Variants in FBXO25 observed in about 807,000 individuals in gnomAD.
FBXO25 encodes F-box protein 25.
FBXO25 carries 45 observed loss-of-function variants against 51.9 expected under a neutral mutation model. The observed-to-expected ratio is 0.87, with a 90% CI of 0.68 to 1.11. The LOEUF is 1.11. Among genes scored for constraint, FBXO25 ranks in the 50% most tolerant of loss-of-function variants. FBXO25 has a pLI of 0.00. For missense variants in FBXO25, 507 were observed against 428.5 expected (o/e 1.18, Z -1.62); for synonymous variants, 199 against 151.0 (o/e 1.32, Z -2.33).
chr8:453,836 C>G (rs1162827557), intron 7 of FBXO25, among the ~76,000 whole-genome samples: 1 of 152,284 alleles, frequency 6.6e-6, no homozygotes, highest in East Asian at 1.9e-4. Context: ...TACCTTGACA[C>G]CCCTGGCCGG....
rs188665174 is a variant in FBXO25 at position 439,429 on chromosome 8, T to C, written c.381+3722T>C. 1.1e-4 allele frequency among the ~76,000 whole-genome samples: 17 copies of C among 152,334 alleles called. No homozygotes were observed. In the East Asian group the frequency reaches 2.5e-3, roughly 22 times the overall value. Reference sequence around the variant, plus strand: ...GTACACACATCTGTAGGAAAAAAGTTTTCAGAATCGTAAAGTTTATATATC... The same window carrying C: ...GTACACACATCTGTAGGAAAAAAGTCTTCAGAATCGTAAAGTTTATATATC... On this transcript the variant is annotated intron_variant, in intron 5 of 9. Coordinates refer to ENST00000350302, the MANE Select transcript of FBXO25 (RefSeq NM_183420.2).
At chr8:453,464 C>G (rs189594766) in intron 7 of FBXO25, among the ~76,000 whole-genome samples, 1 of 152,068 alleles carries the variant, frequency 6.6e-6, no homozygotes, top group Non-Finnish European at 1.5e-5. Flanking sequence ...GGAGTTTTAC[C>G]TTTCTGGGAA....
intron 5 of FBXO25, among the ~76,000 whole-genome samples, chr8:437,602 G>A (rs577108483): frequency 1.3e-5 from 2 of 152,336 alleles, no homozygotes; most frequent in South Asian, 4.1e-4. Context: ...AAAACAAGAA[G>A]CAGCCTTTGT....
intron 8 of FBXO25, among the ~76,000 whole-genome samples, chr8:461,074 C>T (rs138147583): frequency 4.6e-5 from 7 of 152,296 alleles, no homozygotes; most frequent in African/African-American, 1.4e-4. Context: ...TTAGCCCGTG[C>T]ATTTTGTTTT....
rs1457285040 is a variant in FBXO25, at chr8:469,612, A to C, written c.*808A>C. 6.6e-6 allele frequency: 1 copy of C among 152,248 alleles called. No individual in the cohort carries two copies. Among genetic ancestry groups the C allele is most frequent in the Non-Finnish European group, 1.5e-5 (1 of 68,040 alleles). 9.4% of individuals were successfully genotyped at this position (152,248 alleles called of 1,614,324 possible). Reference sequence around the variant, plus strand: ...GTTTTGCATCCTACTGAGAAATGTTAGTGATTTTGATACTTAAATCCTTAA... The same window carrying C: ...GTTTTGCATCCTACTGAGAAATGTTCGTGATTTTGATACTTAAATCCTTAA... On this transcript the variant is annotated 3_prime_UTR_variant, in exon 10 of 10. Transcript: ENST00000350302.
chr8:458,798 G>C (rs1474570251), intron 8 of FBXO25, among the ~76,000 whole-genome samples: 1 of 152,174 alleles, frequency 6.6e-6, no homozygotes, highest in African/African-American at 2.4e-5. Context: ...AGCAAGAACT[G>C]AGTTCTTTTC....
Position 477,784 on chromosome 8 carries a change from T to C in FBXO25, c.*8980T>C, listed in dbSNP as rs1482942803. 1 of 152,278 alleles carries C rather than the reference T, an allele frequency of 6.6e-6. No individual in the cohort carries two copies. Among genetic ancestry groups the C allele is most frequent in the Admixed American group, 6.5e-5 (1 of 15,290 alleles). 9.4% of individuals were successfully genotyped at this position (152,278 alleles called of 1,614,324 possible). A position where few individuals can be genotyped will look rare whatever the true frequency, so the allele number is the denominator to read the frequency against. Reference sequence around the variant, plus strand: ...ATAAAATCTGAATTTCACATACTTTTCTTATGTCATTAGATATTACCCTTT... The same window carrying C: ...ATAAAATCTGAATTTCACATACTTTCCTTATGTCATTAGATATTACCCTTT... On this transcript the variant is annotated 3_prime_UTR_variant, in exon 10 of 10. Transcript: ENST00000350302.
chr8:425,366 G>A (rs144689226), intron 2 of FBXO25, among the ~76,000 whole-genome samples: 157 of 149,244 alleles, frequency 1.1e-3, no homozygotes, highest in African/African-American at 3.6e-3. Context: ...CTTTTACAAT[G>A]TTTAAATTTT....
At chr8:438,896 C>T (rs1798253839) in intron 5 of FBXO25, among the ~76,000 whole-genome samples, 1 of 152,198 alleles carries the variant, frequency 6.6e-6, no homozygotes, top group Non-Finnish European at 1.5e-5. Context: ...CCAGTGGCCA[C>T]GTGTTTAAGT....
chr8:430,100 C>G (rs1797733008), intron 2 of FBXO25, among the ~76,000 whole-genome samples: 2 of 152,344 alleles, frequency 1.3e-5, no homozygotes, highest in South Asian at 4.1e-4. Flanking sequence ...AGTCCTGTCT[C>G]CTTCCATATT....
intron 2 of FBXO25, among the ~76,000 whole-genome samples, chr8:427,464 T>C (rs532824994): frequency 7.9e-5 from 12 of 151,456 alleles, no homozygotes; most frequent in African/African-American, 2.9e-4. Context: ...TTTGGTAGCA[T>C]ATATGTACCT....
intron 9 of FBXO25, among the ~76,000 whole-genome samples, chr8:463,513 C>T (rs1799951326): frequency 1.3e-5 from 2 of 152,208 alleles, no homozygotes; most frequent in African/African-American, 4.8e-5. Flanking sequence ...GACAAGTGCA[C>T]CTTCCTCGTT....
chr8:457,854 G>C (rs1269592239), intron 7 of FBXO25, among the ~76,000 whole-genome samples: 2 of 152,226 alleles, frequency 1.3e-5, no homozygotes, highest in Non-Finnish European at 2.9e-5. Context: ...GCTAGAAGGA[G>C]CTTTGCAGAC....
At chr8:435,262 C>G (rs998971293) in intron 4 of FBXO25, among the ~76,000 whole-genome samples, 3 of 152,036 alleles carry the variant, frequency 2.0e-5, no homozygotes, top group Admixed American at 2.0e-4. Flanking sequence ...TTTTTAGTTG[C>G]GTAGCCTAGA....
intron 2 of FBXO25, among the ~76,000 whole-genome samples, chr8:426,761 G>T (rs1797509925): frequency 6.6e-6 from 1 of 151,846 alleles, no homozygotes. Flanking sequence ...GCACAGTGCA[G>T]TTGCTTCTCC....
chr8:417,962 G>A (rs909121175), intron 2 of FBXO25, among the ~76,000 whole-genome samples: 1 of 152,070 alleles, frequency 6.6e-6, no homozygotes, highest in South Asian at 2.1e-4. Flanking sequence ...TTCTAGTATT[G>A]CCACATTACC....
rs181149154 is a variant in FBXO25, at chr8:417,980, A to G, written c.134+4767A>G. 2.5e-3 allele frequency among the ~76,000 whole-genome samples: 381 copies of G among 152,314 alleles called. 2 individuals are homozygous for G. Among genetic ancestry groups the G allele is most frequent in the Non-Finnish European group, 4.3e-3 (292 of 68,034 alleles). On this transcript the variant is annotated intron_variant, in intron 2 of 9. Coordinates refer to ENST00000350302, the MANE Select transcript of FBXO25 (RefSeq NM_183420.2). ...TAGTATTGCCACATTACCTTCTGTA[A>G]TTTTGTACCAGTTTATACTCTGCAT...
intron 2 of FBXO25, among the ~76,000 whole-genome samples, chr8:422,943 T>C (rs920088395): frequency 1.3e-5 from 2 of 152,150 alleles, no homozygotes; most frequent in Non-Finnish European, 2.9e-5. Flanking sequence ...TATTCTGCTG[T>C]ATATGAATTA....
At chr8:411,885 A>C (rs1796501639) in intron 1 of FBXO25, among the ~76,000 whole-genome samples, 1 of 152,184 alleles carries the variant, frequency 6.6e-6, no homozygotes, top group African/African-American at 2.4e-5. Flanking sequence ...GTGTATGAGA[A>C]TCACCTGTGG....
Sources: gnomAD v4.1 joint callset for allele counts (sites outside exome capture counted in the v4.1 genomes callset) on GRCh38, gnomAD v4.1.1 for gene constraint, MANE v1.5 for transcripts, NCBI Gene and HGNC (gene_info 2026-07-23, HGNC 2026-07-21) for gene names.